TRRAP: variants seen among roughly 807,000 people sequenced by gnomAD.
TRRAP encodes the protein transformation/transcription domain associated protein.
A neutral mutation model predicts 438.8 loss-of-function variants in TRRAP; 41 were observed. The observed-to-expected ratio is 0.09, with a 90% CI of 0.07 to 0.12. TRRAP has a LOEUF of 0.12. TRRAP is among the 10% of genes least tolerant of loss of function. The pLI, the probability that TRRAP is intolerant of heterozygous loss-of-function variation, is 1.00. For missense variants in TRRAP, 3,122 were observed against 5,055.1 expected (o/e 0.62, Z 11.60); for synonymous variants, 1,994 against 1,962.9 (o/e 1.02, Z -0.42).
chr7:98,971,345 C>G (rs182156241), intron 52 of TRRAP, among the ~76,000 whole-genome samples: 14 of 152,284 alleles, frequency 9.2e-5, no homozygotes, highest in Non-Finnish European at 1.8e-4. Flanking sequence ...AACCTTCAGA[C>G]AGAAATAAGG....
chr7:98,991,697 C>T (rs1293663470), intron 64 of TRRAP, among the ~76,000 whole-genome samples: 1 of 152,184 alleles, frequency 6.6e-6, no homozygotes, highest in African/African-American at 2.4e-5. Context: ...CCATCTCCTC[C>T]CAGCTGCAGT....
intron 24 of TRRAP, 75 bp downstream of exon 24, chr7:98,930,281 A>G: frequency 1.3e-6 from 2 of 1,543,944 alleles, no homozygotes; most frequent in South Asian, 1.2e-5. Context: ...AGAAACTGAT[A>G]GTTTAAGAAT....
At position 98,897,744 on chromosome 7, in the gene TRRAP, C is replaced by A. The variant is rs200157211; in HGVS notation, c.511C>A (p.Arg171Ser). Residue 171 changes from arginine to serine, a missense_variant, in exon 8 of 73, where the codon CGC becomes AGC. Arg to Ser is a moderately radical substitution (Grantham distance 110). Around this residue, in one of 24 missense-constraint regions of TRRAP, gnomAD observed 343 missense variants for 564.0 expected, o/e 0.61. Transcript: ENST00000456197. ...TATTTTTATGACTTTTATGTAGAAC[C>A]GCTACTTTGAGAACCCTCAAGTGAT... is the stretch of plus-strand genomic sequence containing the variant. ...IYKELPKVVNRYFENPQVIPE... is the reference protein window; with the variant it reads ...IYKELPKVVNSYFENPQVIPE... 6.2e-7 allele frequency: 1 copy of A among 1,612,408 alleles called. No homozygotes were observed.
intron 44 of TRRAP, among the ~76,000 whole-genome samples, chr7:98,959,042 C>G (rs1331303995): frequency 1.3e-5 from 2 of 152,042 alleles, no homozygotes; most frequent in African/African-American, 4.8e-5. Flanking sequence ...AGTACCTAAC[C>G]AGTAGATAAT....
intron 44 of TRRAP, among the ~76,000 whole-genome samples, chr7:98,958,688 G>A (rs1172201937): frequency 2.0e-5 from 3 of 152,110 alleles, no homozygotes; most frequent in African/African-American, 7.2e-5. Context: ...TAACATTGGT[G>A]GATTATGGTG....
chr7:98,928,287 A>G (rs1554411996), intron 23 of TRRAP, among the ~76,000 whole-genome samples: 11 of 152,116 alleles, frequency 7.2e-5, no homozygotes. Context: ...CAGTTGCTAC[A>G]TAAGTTTCTG....
intron 3 of TRRAP, among the ~76,000 whole-genome samples, chr7:98,886,666 G>A (rs1431169152): frequency 2.0e-5 from 3 of 152,080 alleles, no homozygotes; most frequent in Non-Finnish European, 4.4e-5. Flanking sequence ...CCATCAAGAA[G>A]CAGTTCTCTA....
intron 27 of TRRAP, among the ~76,000 whole-genome samples, chr7:98,933,605 C>T (rs782108171): frequency 7.2e-5 from 11 of 152,308 alleles, no homozygotes; most frequent in South Asian, 2.1e-4. Context: ...CCAGCAGAGA[C>T]GCTGATGTCT....
intron 43 of TRRAP, among the ~76,000 whole-genome samples, chr7:98,957,580 T>C (rs1391536751): frequency 6.6e-6 from 1 of 152,162 alleles, no homozygotes; most frequent in Non-Finnish European, 1.5e-5. Context: ...TGCTCAGCCA[T>C]GCGGGCCATC....
rs1584410417 is a variant in TRRAP at position 99,000,704 on chromosome 7, G to A, written c.10310-3486G>A. ...GCTGGGATCAGAGGGCGCTGTGTGGGCCTGTGAGCAATGGGCCAGCCTGGG... is the reference window on the plus strand; with the variant it reads ...GCTGGGATCAGAGGGCGCTGTGTGGACCTGTGAGCAATGGGCCAGCCTGGG... On this transcript the variant is annotated intron_variant, in intron 67 of 72. Transcript: ENST00000456197. Among the ~76,000 whole-genome samples the A allele has an allele frequency of 2.0e-5, 3 of 152,332 alleles. No homozygotes were observed. The South Asian group carries it at 6.2e-4, about 32-fold the overall frequency.
At chr7:98,887,729 CAAAAAAAAAA>C (rs34834746) in intron 3 of TRRAP, among the ~76,000 whole-genome samples, 2 of 88,664 alleles carry the variant, frequency 2.3e-5, no homozygotes, top group Non-Finnish European at 4.1e-5. Flanking sequence ...AACTCCGTCT[CAAAAAAAAAA>C]AAAAAAAAAA....
intron 62 of TRRAP, among the ~76,000 whole-genome samples, chr7:98,987,895 C>G (rs1229411112): frequency 6.6e-6 from 1 of 152,058 alleles, no homozygotes; most frequent in African/African-American, 2.4e-5. Flanking sequence ...TGTTGTTGGA[C>G]TTTTTTCAAA....
intron 70 of TRRAP, among the ~76,000 whole-genome samples, chr7:99,009,949 G>A (rs1288289342): frequency 1.4e-5 from 2 of 146,254 alleles, no homozygotes; most frequent in Non-Finnish European, 3.0e-5. Context: ...GTGCAATGGC[G>A]CGATCTCGGC....
chr7:99,001,685 CTT>C (rs1398821057), intron 67 of TRRAP, among the ~76,000 whole-genome samples: 2 of 152,150 alleles, frequency 1.3e-5, no homozygotes, highest in African/African-American at 4.8e-5. Flanking sequence ...GTTTCTGTCT[CTT>C]TGTCTGTGTT....
In TRRAP at chr7:98,952,824, T is replaced by G. The variant is rs370977603; in HGVS notation, c.5464-343T>G. On this transcript the variant is annotated intron_variant, in intron 39 of 72. Transcript: ENST00000456197. ...GTAAGATAAGGTGAACGTGGGGCCG[T>G]CACCTGTGCAGATCGTTAACCTTTC... Among the ~76,000 whole-genome samples the G allele has an allele frequency of 3.3e-5, 5 of 152,250 alleles. No individual in the cohort carries two copies. In the East Asian group the frequency reaches 7.7e-4, roughly 24 times the overall value.
intron 23 of TRRAP, among the ~76,000 whole-genome samples, chr7:98,928,303 C>T (rs1309563012): frequency 6.6e-6 from 1 of 152,130 alleles, no homozygotes; most frequent in Non-Finnish European, 1.5e-5. Flanking sequence ...TTCTGAAAAC[C>T]TACTGTCAAT....
In TRRAP at chr7:98,933,505, G is replaced by A. The variant is rs567718022; in HGVS notation, c.4014+103G>A. 15 of 1,465,226 alleles carry A rather than the reference G, an allele frequency of 1.0e-5. No individual in the cohort carries two copies. The African/African-American group carries it at 1.3e-4, about 12-fold the overall frequency. The allele number at this position is 1,465,226 out of a possible 1,614,324, so 90.8% of individuals were successfully genotyped here. A position where few individuals can be genotyped will look rare whatever the true frequency, so the allele number is the denominator to read the frequency against. On this transcript the variant is annotated intron_variant, in intron 27 of 72. Coordinates refer to ENST00000456197, the MANE Select transcript of TRRAP (RefSeq NM_001375524.1). ...GTCAGGCAGCATTCAGAGAAGGCTC[G>A]GGCGGGGACCTGCAGGTAACCCACT...
intron 12 of TRRAP, among the ~76,000 whole-genome samples, chr7:98,905,227 A>G (rs1554407354): frequency 6.6e-6 from 1 of 152,044 alleles, no homozygotes; most frequent in African/African-American, 2.4e-5. Context: ...CTGACCTCAG[A>G]GGGGCCTGCT....
intron 41 of TRRAP, among the ~76,000 whole-genome samples, 183 bp downstream of exon 41, chr7:98,955,487 G>A (rs1791557235): frequency 6.6e-6 from 1 of 152,234 alleles, no homozygotes; most frequent in Non-Finnish European, 1.5e-5. Flanking sequence ...CTGTAATATA[G>A]AGAATATGTC....
Sources: gnomAD v4.1 joint callset for allele counts (sites outside exome capture counted in the v4.1 genomes callset) on GRCh38, gnomAD v4.1.1 for gene constraint, gnomAD v4.1.1 regional missense constraint, MANE v1.5 for transcripts, NCBI Gene and HGNC (gene_info 2026-07-23, HGNC 2026-07-21) for gene names.